The following KIF6 variants were observed in gnomAD, a reference collection of about 807,000 sequenced individuals.
KIF6 encodes kinesin-like protein KIF6.
KIF6 carries 106 observed loss-of-function variants against 112.7 expected under a neutral mutation model. That is an observed-to-expected ratio of 0.94 (90% CI 0.80 to 1.11). The LOEUF (loss-of-function observed/expected upper bound fraction) is 1.11. KIF6 is among the 50% of genes least tolerant of loss of function. The probability of loss-of-function intolerance (pLI) is 0.00; values close to 1 mark genes in which losing one functional copy is unlikely to be tolerated. For missense variants in KIF6, 929 were observed against 964.0 expected, an observed-to-expected ratio of 0.96 and a Z score of 0.48; for synonymous variants, 339 against 339.9, an observed-to-expected ratio of 1.00 and a Z score of 0.03.
intron 5 of KIF6, among the ~76,000 whole-genome samples, chr6:39,627,199 C>T (rs1438235051): frequency 6.6e-6 from 1 of 152,136 alleles, no homozygotes; most frequent in East Asian, 1.9e-4. Flanking sequence ...TGTTTCCACA[C>T]AAAAGCCACA....
chr6:39,634,712 T>C (rs890675888), intron 5 of KIF6, 137 bp downstream of exon 5: 69 of 670,692 alleles, frequency 1.0e-4, no homozygotes, highest in Non-Finnish European at 1.6e-4. Flanking sequence ...AAAAATCCAT[T>C]ATATTACAAA....
intron 13 of KIF6, among the ~76,000 whole-genome samples, chr6:39,514,174 T>A (rs911527887): frequency 2.6e-5 from 4 of 152,196 alleles, no homozygotes; most frequent in African/African-American, 9.6e-5. Flanking sequence ...TAAAAGGGGA[T>A]CCCCAAATTG....
At chr6:39,635,167 G>A (rs1784561621) in intron 4 of KIF6, among the ~76,000 whole-genome samples, 1 of 151,716 alleles carries the variant, frequency 6.6e-6, no homozygotes. Context: ...ATGATTACAA[G>A]CAACTTCAGT....
At chr6:39,360,007 T>C (rs147499100) in intron 18 of KIF6, among the ~76,000 whole-genome samples, 75 of 152,356 alleles carry the variant, frequency 4.9e-4, no homozygotes, top group African/African-American at 1.8e-3. Flanking sequence ...GATTTTTACT[T>C]TCTTCTTTGT....
At chr6:39,723,191 T>C (rs1790328554) in intron 1 of KIF6, among the ~76,000 whole-genome samples, 1 of 152,224 alleles carries the variant, frequency 6.6e-6, no homozygotes. Flanking sequence ...ATACCCATGG[T>C]TCTTTCTACA....
At chr6:39,610,811 T>A (rs1307320060) in intron 6 of KIF6, among the ~76,000 whole-genome samples, 3 of 152,164 alleles carry the variant, frequency 2.0e-5, no homozygotes, top group Non-Finnish European at 4.4e-5. Context: ...ATGGTAATTA[T>A]TATTACCAAA....
intron 1 of KIF6, among the ~76,000 whole-genome samples, chr6:39,724,590 G>A (rs985568473): frequency 1.3e-5 from 2 of 151,964 alleles, no homozygotes; most frequent in African/African-American, 4.8e-5. Flanking sequence ...AATTGTTTCT[G>A]AATGAAGTAC....
At chr6:39,613,997 A>G (rs1320989066) in intron 5 of KIF6, among the ~76,000 whole-genome samples, 3 of 152,140 alleles carry the variant, frequency 2.0e-5, no homozygotes, top group Non-Finnish European at 4.4e-5. Flanking sequence ...CTGGAATTAC[A>G]TTCCTCTATT....
chr6:39,536,490 A>G (rs1358244892), intron 13 of KIF6, among the ~76,000 whole-genome samples: 1 of 151,774 alleles, frequency 6.6e-6, no homozygotes, highest in East Asian at 1.9e-4. Context: ...TCCTCGACAC[A>G]TACACTCTCC....
At chr6:39,426,487 C>T (rs1374287129) in intron 14 of KIF6, among the ~76,000 whole-genome samples, 3 of 152,176 alleles carry the variant, frequency 2.0e-5, no homozygotes, top group Admixed American at 1.3e-4. Context: ...CATTGGCTTA[C>T]ACCTGTAATC....
intron 13 of KIF6, among the ~76,000 whole-genome samples, chr6:39,520,968 G>T (rs1160229239): frequency 6.6e-6 from 1 of 152,154 alleles, no homozygotes; most frequent in Non-Finnish European, 1.5e-5. Flanking sequence ...CATGTTTTTT[G>T]CTACAAACAA....
rs199663493 is a variant in KIF6 at position 39,334,782 on chromosome 6, ATGTGTG to A, written c.*1744_*1749del. ...AGGGCTCTTGAGAGTGTGTGTGTGT[ATGTGTG>A]TGTGTGTGTGCAGTTACATGTGTGT... On this transcript the variant is annotated 3_prime_UTR_variant, in exon 23 of 23. Coordinates refer to ENST00000287152, the MANE Select transcript of KIF6 (RefSeq NM_145027.6). 1 of 150,926 alleles carries A rather than the reference ATGTGTG, an allele frequency of 6.6e-6. No homozygotes were observed. Among genetic ancestry groups the A allele is most frequent in the South Asian group, 2.1e-4 (1 of 4,764 alleles). 9.3% of individuals were successfully genotyped at this position (150,926 alleles called of 1,614,324 possible).
chr6:39,595,947 T>C (rs994732991), intron 7 of KIF6, 107 bp downstream of exon 7: 4 of 803,320 alleles, frequency 5.0e-6, no homozygotes, highest in South Asian at 2.0e-5. Context: ...TTATGTTATA[T>C]ATATTTCATC....
intron 9 of KIF6, among the ~76,000 whole-genome samples, chr6:39,582,664 C>T (rs1157312593): frequency 6.6e-6 from 1 of 152,170 alleles, no homozygotes; most frequent in Non-Finnish European, 1.5e-5. Context: ...ATCCATCCGC[C>T]TCAGCCTCCC....
At chr6:39,494,684 T>C (rs1054563628) in intron 13 of KIF6, among the ~76,000 whole-genome samples, 1 of 152,220 alleles carries the variant, frequency 6.6e-6, no homozygotes, top group African/African-American at 2.4e-5. Flanking sequence ...TTATTGTTCT[T>C]AATTTTTGGT....
intron 13 of KIF6, among the ~76,000 whole-genome samples, chr6:39,527,797 A>G (rs1324919705): frequency 6.6e-6 from 1 of 152,150 alleles, no homozygotes; most frequent in Non-Finnish European, 1.5e-5. Context: ...CCCTGCTCCC[A>G]AGACTTTGCT....
chr6:39,434,321 T>C (rs576760761), intron 13 of KIF6, among the ~76,000 whole-genome samples: 1 of 151,816 alleles, frequency 6.6e-6, no homozygotes, highest in East Asian at 1.9e-4. Flanking sequence ...CCTAGCACTT[T>C]GGGAGGCTGA....
At chr6:39,402,640 C>T (rs551677773) in intron 15 of KIF6, among the ~76,000 whole-genome samples, 2 of 152,214 alleles carry the variant, frequency 1.3e-5, no homozygotes, top group Admixed American at 1.3e-4. Context: ...TTGTAGTGAC[C>T]TATTACTCCA....
chr6:39,361,272 T>C (rs1466837879), intron 17 of KIF6, among the ~76,000 whole-genome samples: 7 of 151,526 alleles, frequency 4.6e-5, no homozygotes, highest in Non-Finnish European at 1.0e-4. Context: ...GAAGAATGGG[T>C]TGGAGGCTGG....
Sources: allele counts gnomAD v4.1 joint callset (sites outside exome capture counted in the v4.1 genomes callset), GRCh38; gene constraint gnomAD v4.1.1; transcripts MANE v1.5; gene names NCBI Gene and HGNC (gene_info 2026-07-23, HGNC 2026-07-21).